FUCA2: variants seen among roughly 807,000 people sequenced by gnomAD.
The protein encoded by FUCA2 is alpha-L-fucosidase 2.
A neutral mutation model predicts 52.6 loss-of-function variants in FUCA2; 41 were observed. The ratio of observed to expected loss-of-function variants is 0.78; its 90% CI spans 0.61 to 1.01. The LOEUF is 1.01. Among genes scored for constraint, FUCA2 ranks in the 50% least tolerant of loss-of-function variants. FUCA2 has a pLI of 0.00. For missense variants in FUCA2, 507 were observed against 569.5 expected (o/e 0.89, Z 1.12); for synonymous variants, 211 against 217.3 (o/e 0.97, Z 0.26).
Position 143,507,340 on chromosome 6 carries a change from A to G in FUCA2, c.309T>C (p.Phe103=). The change falls in exon 2 of 7, where the codon TTT becomes TTC. Residue 103 remains phenylalanine (F), a synonymous_variant. Transcript: ENST00000002165. The surrounding 1 kb of genome is among the most constrained non-coding windows in gnomAD (Gnocchi z 4.5). ...AAAATTTTGCTGTAAATAGTGGTCC[A>G]AAATCTTCATATTTGAAACTAGGAG... ...NYPPSFKYED[F]GPLFTAKFFN... The G allele has an allele frequency of 1.2e-6, 2 of 1,609,300 alleles. No homozygotes were observed. The highest frequency in any genetic ancestry group is 1.1e-5 in the South Asian group (1 of 89,254).
chr6:143,505,796 C>T (rs909742821), intron 2 of FUCA2: 2 of 152,178 alleles, frequency 1.3e-5, no homozygotes, highest in Non-Finnish European at 2.9e-5. Flanking sequence ...CCACCATAAG[C>T]TTACACTGCG....
rs1396369578 is a variant in FUCA2 at position 143,502,834 on chromosome 6, T to C, written c.753-269A>G. 5.6e-6 allele frequency: 2 copies of C among 359,546 alleles called. No homozygotes were observed. Among genetic ancestry groups the C allele is most frequent in the Non-Finnish European group, 1.0e-5 (2 of 198,322 alleles). The allele number at this position is 359,546 out of a possible 1,614,324, so 22.3% of individuals were successfully genotyped here. ...CTATGATTAGAACAAAAATAAGTTA[T>C]GTAAAACATTAGCCTGGTACCCAGC... On this transcript the variant is annotated intron_variant, in intron 3 of 6. Coordinates refer to ENST00000002165, the MANE Select transcript of FUCA2 (RefSeq NM_032020.5). This position sits in a 1 kb window ranked among gnomAD's most constrained non-coding sequence, Gnocchi z 4.1.
intron 1 of FUCA2, among the ~76,000 whole-genome samples, chr6:143,508,857 C>A (rs1780646088): frequency 6.6e-6 from 1 of 152,118 alleles, no homozygotes; most frequent in African/African-American, 2.4e-5. Context: ...GTTTAAAATC[C>A]TTGAAGCATT....
Position 143,504,226 on chromosome 6 carries a change from A to C in FUCA2, c.439T>G (p.Ser147Ala). ...EGFTLWGSEY[S>A]WNWNAIDEGP... ...TCATCTATGGCATTCCAGTTCCACG[A>C]ATATTCTGACCCCCACAAGGTAAAG... is the stretch of plus-strand genomic sequence containing the variant. Residue 147 changes from serine to alanine, a missense_variant, in exon 3 of 7, where the codon TCG becomes GCG. Physicochemically the swap from Ser to Ala is moderately conservative, Grantham distance 99. Coordinates refer to ENST00000002165, the MANE Select transcript of FUCA2 (RefSeq NM_032020.5). This position sits in a 1 kb window ranked among gnomAD's most constrained non-coding sequence, Gnocchi z 4.4. The C allele has an allele frequency of 6.2e-7, 1 of 1,613,948 alleles. No homozygotes were observed. Among genetic ancestry groups the C allele is most frequent in the Non-Finnish European group, 8.5e-7 (1 of 1,179,906 alleles).
At position 143,507,173 on chromosome 6, in the gene FUCA2, C is replaced by T; in HGVS notation, c.412+64G>A. ...TTAGACCTTGCTTTAGTTTTTTCTT[C>T]CAAAAGAACAACTTTTCATTTCTTA... On this transcript the variant is annotated intron_variant, in intron 2 of 6. Transcript: ENST00000002165. The surrounding 1 kb of genome is among the most constrained non-coding windows in gnomAD (Gnocchi z 4.5). 3 of 1,480,960 alleles carry T rather than the reference C, an allele frequency of 2.0e-6. No individual in the cohort carries two copies. The allele number at this position is 1,480,960 out of a possible 1,614,324, so 91.7% of individuals were successfully genotyped here. A position where few individuals can be genotyped will look rare whatever the true frequency, so the allele number is the denominator to read the frequency against.
At position 143,511,637 on chromosome 6, in the gene FUCA2, C is replaced by G; in HGVS notation, c.-3G>C. ...CTGGGGAGCTCCTGGGGCCGCATGT[C>G]CCGGCGCAGGCCGGCTGTCCTCTCT... On this transcript the variant is annotated 5_prime_UTR_variant, in exon 1 of 7. Transcript: ENST00000002165. This position sits in a 1 kb window ranked among gnomAD's most constrained non-coding sequence, Gnocchi z 6.3. The G allele has an allele frequency of 4.6e-6, 7 of 1,510,176 alleles. No homozygotes were observed. Among genetic ancestry groups the G allele is most frequent in the Non-Finnish European group, 6.2e-6 (7 of 1,128,936 alleles). The allele number at this position is 1,510,176 out of a possible 1,614,324, so 93.5% of individuals were successfully genotyped here.
Position 143,502,518 on chromosome 6 carries a change from C to G in FUCA2, c.800G>C (p.Ser267Thr), listed in dbSNP as rs1194357913. 2 of 1,614,130 alleles carry G rather than the reference C, an allele frequency of 1.2e-6. No homozygotes were observed. Among genetic ancestry groups the G allele is most frequent in the African/African-American group, 1.3e-5 (1 of 75,050 alleles). Reference protein sequence around the residue: ...VVTNDRWGAGSICKHGGFYTC... With the variant: ...VVTNDRWGAGTICKHGGFYTC... ...ATAGAAGCCACCATGCTTACAGATGCTACCAGCTCCCCAACGATCATTGGT... is the reference window on the plus strand; with the variant it reads ...ATAGAAGCCACCATGCTTACAGATGGTACCAGCTCCCCAACGATCATTGGT... Residue 267 changes from serine to threonine, a missense_variant, in exon 4 of 7, where the codon AGC becomes ACC. Transcript: ENST00000002165. This position sits in a 1 kb window ranked among gnomAD's most constrained non-coding sequence, Gnocchi z 4.1.
chr6:143,508,520 T>C (rs1780641955), intron 1 of FUCA2, among the ~76,000 whole-genome samples: 1 of 152,226 alleles, frequency 6.6e-6, no homozygotes, highest in African/African-American at 2.4e-5. Context: ...TGCCCAAAAG[T>C]CGTATTTACG....
rs1275172432 is a variant in FUCA2 at position 143,495,738 on chromosome 6, C to T, written c.1373G>A (p.Gly458Asp). The T allele has an allele frequency of 6.2e-7, 1 of 1,614,026 alleles. No homozygotes were observed. The highest frequency in any genetic ancestry group is 2.2e-5 in the East Asian group (1 of 44,866). Residue 458 changes from glycine to aspartate, a missense_variant, in exon 7 of 7, where the codon GGC (glycine) becomes GAC (aspartate). By Grantham distance (94) the Gly-to-Asp change is moderately conservative. Coordinates refer to ENST00000002165, the MANE Select transcript of FUCA2 (RefSeq NM_032020.5). This position sits in a 1 kb window ranked among gnomAD's most constrained non-coding sequence, Gnocchi z 5.2. ...CACATTAGTCAGGGCTAGAGCCCAGCCCCATTTACACGGCATCTGATGAAT... is the reference window on the plus strand; with the variant it reads ...CACATTAGTCAGGGCTAGAGCCCAGTCCCATTTACACGGCATCTGATGAAT... ...LTIHQMPCKW[G>D]WALALTNVI
At position 143,497,021 on chromosome 6, in the gene FUCA2, G is replaced by A. The variant is rs1747433466; in HGVS notation, c.1263+368C>T. On this transcript the variant is annotated intron_variant, in intron 6 of 6. Coordinates refer to ENST00000002165, the MANE Select transcript of FUCA2 (RefSeq NM_032020.5). This position sits in a 1 kb window ranked among gnomAD's most constrained non-coding sequence, Gnocchi z 5.3. ...TTTTTCAGAGACAGGCTGAAGTGGT[G>A]CAGTCATAGCTTACTGTAGTCTTGA... 1 of 157,278 alleles carries A rather than the reference G, an allele frequency of 6.4e-6. No individual in the cohort carries two copies. Among genetic ancestry groups the A allele is most frequent in the African/African-American group, 2.4e-5 (1 of 41,634 alleles). The allele number at this position is 157,278 out of a possible 1,614,324, so 9.7% of individuals were successfully genotyped here.
chr6:143,495,948 G>C lies in FUCA2; in HGVS notation c.1264-101C>G. 8.4e-7 allele frequency: 1 copy of C among 1,185,190 alleles called. No individual in the cohort carries two copies. 73.4% of individuals were successfully genotyped at this position (1,185,190 alleles called of 1,614,324 possible). A position where few individuals can be genotyped will look rare whatever the true frequency, so the allele number is the denominator to read the frequency against. ...GATTAGTAGTTCAAACAAAATTGTA[G>C]ACAAGAGGTTCATTTTTACCTTTAT... is the stretch of plus-strand genomic sequence containing the variant. On this transcript the variant is annotated intron_variant, in intron 6 of 6. Transcript: ENST00000002165. The surrounding 1 kb of genome is among the most constrained non-coding windows in gnomAD (Gnocchi z 5.2).
rs367733300 is a variant in FUCA2 at position 143,497,152 on chromosome 6, G to T, written c.1263+237C>A. ...CTTTAAAAAAAATTTTTGTAGACAG[G>T]GGTCTTGCTATGTTGCCCAGGCTAG... On this transcript the variant is annotated intron_variant, in intron 6 of 6. Coordinates refer to ENST00000002165, the MANE Select transcript of FUCA2 (RefSeq NM_032020.5). This position sits in a 1 kb window ranked among gnomAD's most constrained non-coding sequence, Gnocchi z 5.3. The T allele has an allele frequency of 6.8e-5, 29 of 427,942 alleles. No individual in the cohort carries two copies. Among genetic ancestry groups the T allele is most frequent in the East Asian group, 6.5e-4 (15 of 23,050 alleles). 26.5% of individuals were successfully genotyped at this position (427,942 alleles called of 1,614,324 possible). A position where few individuals can be genotyped will look rare whatever the true frequency, so the allele number is the denominator to read the frequency against.
chr6:143,498,565 T>C (rs553209749), intron 5 of FUCA2, among the ~76,000 whole-genome samples: 2 of 151,748 alleles, frequency 1.3e-5, no homozygotes, highest in East Asian at 1.9e-4. Flanking sequence ...AGTGCAAGAG[T>C]GTGCTCTGCC....
chr6:143,500,230 C>T lies in FUCA2; in HGVS notation c.1154+1702G>A, dbSNP rs138864376. Among the ~76,000 whole-genome samples, 105 of 151,936 alleles carry T rather than the reference C, an allele frequency of 6.9e-4. 2 individuals are homozygous for T. In the East Asian group the frequency reaches 0.012, roughly 17 times the overall value. Reference sequence around the variant, plus strand: ...CAGTGATGGGCCACAGAATCTGTCCCGGATAAGGAAAAAGACAGAGAAAAG... The same window carrying T: ...CAGTGATGGGCCACAGAATCTGTCCTGGATAAGGAAAAAGACAGAGAAAAG... On this transcript the variant is annotated intron_variant, in intron 5 of 6. Transcript: ENST00000002165. The surrounding 1 kb of genome is among the most constrained non-coding windows in gnomAD (Gnocchi z 6.9).
intron 1 of FUCA2, among the ~76,000 whole-genome samples, chr6:143,508,084 C>T: frequency 6.6e-6 from 1 of 152,182 alleles, no homozygotes; most frequent in South Asian, 2.1e-4. Flanking sequence ...ATGCCTAAAA[C>T]ATAATATGCA....
rs971353064 is a variant in FUCA2, at chr6:143,509,369, A to T, written c.225-1945T>A. ...GTTAATGCATTTTCAGATCATCAGGAATCTGTTCTCTATTTTGTTTAGTAT... is the reference window on the plus strand; with the variant it reads ...GTTAATGCATTTTCAGATCATCAGGTATCTGTTCTCTATTTTGTTTAGTAT... On this transcript the variant is annotated intron_variant, in intron 1 of 6. Transcript: ENST00000002165. The surrounding 1 kb of genome is among the most constrained non-coding windows in gnomAD (Gnocchi z 5.4). 6.6e-6 allele frequency among the ~76,000 whole-genome samples: 1 copy of T among 152,232 alleles called. No individual in the cohort carries two copies. The highest frequency in any genetic ancestry group is 1.5e-5 in the Non-Finnish European group (1 of 68,038).
chr6:143,508,139 G>A (rs1296585023), intron 1 of FUCA2, among the ~76,000 whole-genome samples: 1 of 152,202 alleles, frequency 6.6e-6, no homozygotes, highest in East Asian at 1.9e-4. Context: ...GCACAGGACA[G>A]AAAGGGAGGC....
At position 143,495,882 on chromosome 6, in the gene FUCA2, A is replaced by G; in HGVS notation, c.1264-35T>C. ...AAAACATACATGCAAATGTCTCCAA[A>G]TTTATCTCTTTATCTCACCCACTTT... is the stretch of plus-strand genomic sequence containing the variant. On this transcript the variant is annotated intron_variant, in intron 6 of 6. Coordinates refer to ENST00000002165, the MANE Select transcript of FUCA2 (RefSeq NM_032020.5). This position sits in a 1 kb window ranked among gnomAD's most constrained non-coding sequence, Gnocchi z 5.2. The G allele has an allele frequency of 6.2e-7, 1 of 1,606,148 alleles. No homozygotes were observed. The highest frequency in any genetic ancestry group is 8.5e-7 in the Non-Finnish European group (1 of 1,174,288).
rs1780577976 is a variant in FUCA2 at position 143,504,771 on chromosome 6, T to C, written c.413-519A>G. Reference sequence around the variant, plus strand: ...TACTGCTTAGTTTTAGGATTGTTTATTTTATTATAGTGTGATTCTTAGAAC... The same window carrying C: ...TACTGCTTAGTTTTAGGATTGTTTACTTTATTATAGTGTGATTCTTAGAAC... On this transcript the variant is annotated intron_variant, in intron 2 of 6. Transcript: ENST00000002165. The surrounding 1 kb of genome is among the most constrained non-coding windows in gnomAD (Gnocchi z 4.4). The C allele has an allele frequency of 6.5e-6, 1 of 152,906 alleles. No homozygotes were observed. Among genetic ancestry groups the C allele is most frequent in the Non-Finnish European group, 1.5e-5 (1 of 68,550 alleles). 9.5% of individuals were successfully genotyped at this position (152,906 alleles called of 1,614,324 possible). A position where few individuals can be genotyped will look rare whatever the true frequency, so the allele number is the denominator to read the frequency against.
Sources: gnomAD v4.1 joint callset for allele counts (sites outside exome capture counted in the v4.1 genomes callset) on GRCh38, gnomAD v4.1.1 for gene constraint, Gnocchi (gnomAD v3.1) non-coding constraint, MANE v1.5 for transcripts, NCBI Gene and HGNC (gene_info 2026-07-23, HGNC 2026-07-21) for gene names.